PDCD6: variants seen among roughly 807,000 people sequenced by gnomAD.
PDCD6 encodes the protein programmed cell death 6, also known as programmed cell death protein 6.
In PDCD6, 12 loss-of-function variants were observed where a neutral mutation model predicts 28.3. That is an observed-to-expected ratio of 0.42 (90% CI 0.27 to 0.69). PDCD6 has a LOEUF of 0.69. Among genes scored for constraint, PDCD6 ranks in the 30% least tolerant of loss-of-function variants. The pLI, the probability that PDCD6 is intolerant of heterozygous loss-of-function variation, is 0.22. For synonymous variants in PDCD6, 92 were observed against 108.0 expected (o/e 0.85, Z 0.92); for missense variants, 226 against 269.9 (o/e 0.84, Z 1.14).
At chr5:272,209 A>C (rs1475194639) in intron 1 of PDCD6, among the ~76,000 whole-genome samples, 1 of 139,314 alleles carries the variant, frequency 7.2e-6, no homozygotes, top group South Asian at 2.3e-4. Flanking sequence ...CGCCAGGTGG[A>C]GGGTCTCCAG....
intron 5 of PDCD6, chr5:311,692 G>GTT: frequency 3.0e-6 from 1 of 332,720 alleles, no homozygotes; most frequent in Non-Finnish European, 5.6e-6. Context: ...TTTGTTTTTT[G>GTT]TTTTGTTTTG....
At chr5:279,383 C>G (rs1009486704) in intron 2 of PDCD6, among the ~76,000 whole-genome samples, 1 of 152,084 alleles carries the variant, frequency 6.6e-6, no homozygotes, top group African/African-American at 2.4e-5. Context: ...CTTGATTTTC[C>G]CCACGAGATA....
chr5:314,734 G>A lies in PDCD6; in HGVS notation c.*219G>A, dbSNP rs1269844081. ...AATGCAGACATTGGATTTGGTGACT[G>A]TCTCATTGTGCCATGAGGTAAATGT... On this transcript the variant is annotated 3_prime_UTR_variant, in exon 6 of 6. Transcript: ENST00000264933. 5 of 640,168 alleles carry A rather than the reference G, an allele frequency of 7.8e-6. No individual in the cohort carries two copies. The African/African-American group carries it at 8.9e-5, about 11-fold the overall frequency. 39.7% of individuals were successfully genotyped at this position (640,168 alleles called of 1,614,324 possible). A position where few individuals can be genotyped will look rare whatever the true frequency, so the allele number is the denominator to read the frequency against.
intron 1 of PDCD6, among the ~76,000 whole-genome samples, chr5:272,421 T>A (rs1277663342): frequency 6.7e-6 from 1 of 148,784 alleles, no homozygotes; most frequent in Non-Finnish European, 1.5e-5. Flanking sequence ...TGAGGGAATC[T>A]TGTCTTGTCT....
At chr5:312,868 A>C (rs1444362491) in intron 5 of PDCD6, among the ~76,000 whole-genome samples, 1 of 108,920 alleles carries the variant, frequency 9.2e-6, no homozygotes, top group Non-Finnish European at 1.7e-5. Flanking sequence ...TCTGTGTCTG[A>C]ATTGCCGTAG....
chr5:307,355 G>A lies in PDCD6; in HGVS notation c.367+595G>A, dbSNP rs1315271495. Among the ~76,000 whole-genome samples the A allele has an allele frequency of 2.8e-5, 3 of 107,368 alleles. No individual in the cohort carries two copies. The East Asian group carries it at 6.7e-4, about 24-fold the overall frequency. The allele number at this position is 107,368 out of a possible 152,430, so 70.4% of individuals were successfully genotyped here. ...TGCTCGGCGTGTGTGTGCTCGGCGT[G>A]TGTGTGCACACGTGTGCCGTGCGCC... On this transcript the variant is annotated intron_variant, in intron 4 of 5. Coordinates refer to ENST00000264933, the MANE Select transcript of PDCD6 (RefSeq NM_013232.4). The surrounding 1 kb of genome is among the most constrained non-coding windows in gnomAD (Gnocchi z 6.1).
intron 2 of PDCD6, among the ~76,000 whole-genome samples, chr5:299,635 C>T (rs1739904014): frequency 6.6e-6 from 1 of 151,942 alleles, no homozygotes; most frequent in African/African-American, 2.4e-5. Context: ...CTGCAAGCTC[C>T]ACCTCCCGGG....
At chr5:312,783 C>T (rs1321524600) in intron 5 of PDCD6, among the ~76,000 whole-genome samples, 2 of 152,140 alleles carry the variant, frequency 1.3e-5, no homozygotes, top group Non-Finnish European at 2.9e-5. Context: ...GCACTCCAGC[C>T]TGGGTGACAG....
intron 2 of PDCD6, chr5:289,127 G>T (rs1739165158): frequency 9.6e-6 from 11 of 1,151,348 alleles, no homozygotes; most frequent in Non-Finnish European, 1.3e-5. Flanking sequence ...TTCTTTCCGG[G>T]ATCATTTCTC....
intron 2 of PDCD6, chr5:290,252 A>T: frequency 6.6e-7 from 1 of 1,511,516 alleles, no homozygotes; most frequent in African/African-American, 1.4e-5. Context: ...CTGATCCAGG[A>T]CAGGACAAAC....
intron 2 of PDCD6, among the ~76,000 whole-genome samples, chr5:281,388 C>G (rs1254597253): frequency 6.6e-6 from 1 of 151,920 alleles, no homozygotes; most frequent in Non-Finnish European, 1.5e-5. Context: ...CCTTTTAAGT[C>G]TATGAGAGTC....
At chr5:300,311 G>A (rs1479835233) in intron 2 of PDCD6, among the ~76,000 whole-genome samples, 11 of 152,324 alleles carry the variant, frequency 7.2e-5, no homozygotes, top group Admixed American at 2.0e-4. Flanking sequence ...TCCCTGGTCC[G>A]CACCACGGCA....
intron 5 of PDCD6, chr5:313,618 A>T (rs537602014): frequency 6.6e-6 from 1 of 150,716 alleles, no homozygotes; most frequent in African/African-American, 2.4e-5. Context: ...GAGTCACCAC[A>T]CCCTGTCCAT....
At chr5:291,484 G>A (rs967666619) in intron 2 of PDCD6, among the ~76,000 whole-genome samples, 4 of 146,640 alleles carry the variant, frequency 2.7e-5, no homozygotes, top group African/African-American at 5.1e-5. Flanking sequence ...TCATTGCTGC[G>A]TGATCTCCCA....
intron 4 of PDCD6, among the ~76,000 whole-genome samples, chr5:308,044 G>A (rs977003297): frequency 5.9e-5 from 9 of 152,204 alleles, no homozygotes; most frequent in African/African-American, 2.2e-4. Context: ...CCCTGGGGCA[G>A]GTACGGAAGG....
chr5:272,304 C>CT (rs1427922052), intron 1 of PDCD6, among the ~76,000 whole-genome samples: 1 of 145,100 alleles, frequency 6.9e-6, no homozygotes, highest in African/African-American at 2.7e-5. Context: ...GACCTGGCGT[C>CT]TGCTCGGGCC....
intron 2 of PDCD6, among the ~76,000 whole-genome samples, chr5:282,637 G>T (rs184307009): frequency 3.6e-5 from 5 of 139,122 alleles, no homozygotes; most frequent in Admixed American, 7.1e-5. Flanking sequence ...ATTGAGGGTC[G>T]CACAGCTGAA....
intron 2 of PDCD6, among the ~76,000 whole-genome samples, chr5:288,426 T>A (rs181287390): frequency 5.9e-5 from 9 of 151,278 alleles, no homozygotes; most frequent in Admixed American, 5.3e-4. Flanking sequence ...ATGACCAAAA[T>A]GTGAAAACTG....
intron 2 of PDCD6, among the ~76,000 whole-genome samples, chr5:287,676 T>G (rs532644694): frequency 1.3e-5 from 2 of 152,328 alleles, no homozygotes; most frequent in South Asian, 4.1e-4. Context: ...AAAGTTACTT[T>G]TTTTCTTCAT....
Sources: gnomAD v4.1 joint callset for allele counts (sites outside exome capture counted in the v4.1 genomes callset) on GRCh38, gnomAD v4.1.1 for gene constraint, Gnocchi (gnomAD v3.1) non-coding constraint, MANE v1.5 for transcripts, NCBI Gene and HGNC (gene_info 2026-07-23, HGNC 2026-07-21) for gene names.